Variants in MEI4 observed in about 807,000 individuals in gnomAD.
The protein encoded by MEI4 is meiosis-specific protein MEI4.
In MEI4, 27 loss-of-function variants were observed where a neutral mutation model predicts 31.4. The ratio of observed to expected loss-of-function variants is 0.86; its 90% CI spans 0.63 to 1.19. The LOEUF (loss-of-function observed/expected upper bound fraction) is 1.19. Ranked by LOEUF, MEI4 falls within the 50% of genes most tolerant of loss-of-function variation. The probability of loss-of-function intolerance (pLI) is 0.00; values close to 1 mark genes in which losing one functional copy is unlikely to be tolerated. For synonymous variants in MEI4, 122 were observed against 145.4 expected (o/e 0.84, Z 1.16); for missense variants, 329 against 398.9 (o/e 0.82, Z 1.49).
At position 77,746,148 on chromosome 6, in the gene MEI4, C is replaced by CA. The variant is rs1298956702; in HGVS notation, c.233-14976dup. Among the ~76,000 whole-genome samples, 6 of 152,096 alleles carry CA rather than the reference C, an allele frequency of 3.9e-5. No individual in the cohort carries two copies. The South Asian group carries it at 8.3e-4, about 21-fold the overall frequency. On this transcript the variant is annotated intron_variant, in intron 2 of 4. Coordinates refer to ENST00000684080, the MANE Select transcript of MEI4 (RefSeq NM_001322247.2). ...AGCAGAACTGAAGGAAATAGAGACA[C>CA]AAAAAACCCTTCAAAAAAACTACTG...
intron 4 of MEI4, among the ~76,000 whole-genome samples, chr6:77,898,254 T>C (rs923410089): frequency 6.6e-6 from 1 of 152,024 alleles, no homozygotes; most frequent in African/African-American, 2.4e-5. Flanking sequence ...AGGACTAAAA[T>C]TGACTGCCTT....
intron 4 of MEI4, among the ~76,000 whole-genome samples, chr6:77,862,247 C>T (rs982136973): frequency 6.6e-6 from 1 of 152,140 alleles, no homozygotes; most frequent in Non-Finnish European, 1.5e-5. Flanking sequence ...GGGTGCAGCG[C>T]ACTGAGCATG....
chr6:77,715,198 G>A (rs1003275253), intron 2 of MEI4, among the ~76,000 whole-genome samples: 1 of 152,166 alleles, frequency 6.6e-6, no homozygotes, highest in African/African-American at 2.4e-5. Flanking sequence ...TTAATGGTAA[G>A]AGATTATTCT....
intron 1 of MEI4, among the ~76,000 whole-genome samples, chr6:77,661,017 C>T (rs1023718803): frequency 1.3e-5 from 2 of 152,046 alleles, no homozygotes; most frequent in African/African-American, 2.4e-5. Context: ...GGAAGATAGT[C>T]GCCTAGAGGG....
intron 4 of MEI4, among the ~76,000 whole-genome samples, chr6:77,865,741 C>T (rs993767310): frequency 3.3e-5 from 5 of 152,112 alleles, no homozygotes; most frequent in African/African-American, 1.2e-4. Context: ...AGGCCAGCAT[C>T]ATCCTGATAC....
At chr6:77,665,481 C>T (rs1768612584) in intron 1 of MEI4, among the ~76,000 whole-genome samples, 1 of 151,784 alleles carries the variant, frequency 6.6e-6, no homozygotes, top group Admixed American at 6.6e-5. Flanking sequence ...TGCCCCTGCC[C>T]CAGGAAAGCA....
chr6:77,697,967 A>G (rs1476316008), intron 2 of MEI4, among the ~76,000 whole-genome samples: 2 of 152,182 alleles, frequency 1.3e-5, no homozygotes, highest in Non-Finnish European at 2.9e-5. Context: ...GGGTTCATAT[A>G]TATTTAGGAT....
intron 2 of MEI4, among the ~76,000 whole-genome samples, chr6:77,742,390 C>T (rs1767434597): frequency 6.6e-6 from 1 of 151,938 alleles, no homozygotes; most frequent in Non-Finnish European, 1.5e-5. Context: ...AGCATTTTTT[C>T]CTGTGTTTTT....
At chr6:77,651,624 A>G (rs910600403), upstream of MEI4, among the ~76,000 whole-genome samples, 1 of 152,210 alleles carries the variant, frequency 6.6e-6, no homozygotes. Flanking sequence ...AGACTCAGTC[A>G]CTTGACGGGG....
intron 2 of MEI4, among the ~76,000 whole-genome samples, chr6:77,693,120 A>T (rs1769189370): frequency 6.6e-6 from 1 of 152,074 alleles, no homozygotes; most frequent in Admixed American, 6.6e-5. Context: ...AAAACCCAGT[A>T]ACTTAATAGA....
At chr6:77,700,853 A>G (rs1002199291) in intron 2 of MEI4, among the ~76,000 whole-genome samples, 2 of 152,192 alleles carry the variant, frequency 1.3e-5, no homozygotes, top group Non-Finnish European at 1.5e-5. Flanking sequence ...GGACTAGACT[A>G]TATAGGGGAG....
At chr6:77,866,888 G>A (rs1430187294) in intron 4 of MEI4, among the ~76,000 whole-genome samples, 1 of 152,112 alleles carries the variant, frequency 6.6e-6, no homozygotes, top group African/African-American at 2.4e-5. Flanking sequence ...TAGACCAATG[G>A]AACAGAACAG....
intron 2 of MEI4, among the ~76,000 whole-genome samples, chr6:77,736,763 A>G (rs948998697): frequency 6.6e-6 from 1 of 152,092 alleles, no homozygotes; most frequent in African/African-American, 2.4e-5. Flanking sequence ...GGGTAAGATT[A>G]CATCATTAAT....
intron 4 of MEI4, among the ~76,000 whole-genome samples, chr6:77,833,060 T>A (rs1770123408): frequency 6.6e-6 from 1 of 152,122 alleles, no homozygotes; most frequent in African/African-American, 2.4e-5. Context: ...TTCCTAAATA[T>A]CTTGTCATAC....
chr6:77,841,185 T>C (rs545673048), intron 4 of MEI4, among the ~76,000 whole-genome samples: 26 of 151,414 alleles, frequency 1.7e-4, no homozygotes, highest in African/African-American at 5.8e-4. Context: ...ACTTGGTGTA[T>C]ATGGATGCAA....
chr6:77,705,443 C>T (rs569833128), intron 2 of MEI4, among the ~76,000 whole-genome samples: 57 of 152,326 alleles, frequency 3.7e-4, no homozygotes, highest in South Asian at 1.0e-3. Flanking sequence ...TAATATCACA[C>T]ATGTGGAACT....
intron 2 of MEI4, among the ~76,000 whole-genome samples, chr6:77,745,082 T>C (rs546205978): frequency 2.6e-5 from 4 of 152,274 alleles, no homozygotes; most frequent in African/African-American, 9.6e-5. Flanking sequence ...AATAACCAGC[T>C]AGCATCATAA....
chr6:77,665,593 T>C (rs1238177177), intron 1 of MEI4, among the ~76,000 whole-genome samples: 3 of 152,178 alleles, frequency 2.0e-5, no homozygotes, highest in African/African-American at 4.8e-5. Flanking sequence ...CAGGTGTCCC[T>C]GCGTGGTCTG....
At chr6:77,848,609 A>G (rs1166698169) in intron 4 of MEI4, among the ~76,000 whole-genome samples, 3 of 152,102 alleles carry the variant, frequency 2.0e-5, no homozygotes, top group Admixed American at 6.6e-5. Context: ...CCTCGGGGAA[A>G]GTGCACTTGT....
Sources: gnomAD v4.1 joint callset for allele counts (sites outside exome capture counted in the v4.1 genomes callset) on GRCh38, gnomAD v4.1.1 for gene constraint, MANE v1.5 for transcripts, NCBI Gene and HGNC (gene_info 2026-07-23, HGNC 2026-07-21) for gene names.